PMPCB: variants seen among roughly 807,000 people sequenced by gnomAD.
The protein encoded by PMPCB is peptidase, mitochondrial processing subunit beta.
Under a neutral mutation model 61.5 loss-of-function variants are expected in PMPCB, and 46 were observed. The observed-to-expected ratio is 0.75, with a 90% confidence interval of 0.59 to 0.96. The LOEUF is 0.96. Among genes scored for constraint, PMPCB ranks in the 40% least tolerant of loss-of-function variants. The pLI, the probability that PMPCB is intolerant of heterozygous loss-of-function variation, is 0.00. For synonymous variants in PMPCB, 191 were observed against 201.6 expected, an observed-to-expected ratio of 0.95 and a Z score of 0.44; for missense variants, 590 against 602.4, an observed-to-expected ratio of 0.98 and a Z score of 0.22.
chr7:103,331,316 T>C (rs114331549), downstream of PMPCB, among the ~76,000 whole-genome samples: 1,145 of 152,340 alleles, frequency 7.5e-3, 20 homozygotes, highest in African/African-American at 0.027. Context: ...GTCAGGGTAT[T>C]TGGGTATCTA....
intron 4 of PMPCB, 141 bp from the exon 5 acceptor site, chr7:103,303,701 A>G (rs1817507023): frequency 5.0e-6 from 3 of 598,282 alleles, no homozygotes; most frequent in Non-Finnish European, 8.7e-6. Context: ...CCTGTTAAGT[A>G]TATCTGATGT....
Position 103,312,717 on chromosome 7 carries a change from A to G in PMPCB, c.*446A>G. 6.3e-7 allele frequency: 1 copy of G among 1,586,452 alleles called. No individual in the cohort carries two copies. Among genetic ancestry groups the G allele is most frequent in the African/African-American group, 1.4e-5 (1 of 73,568 alleles). On this transcript the variant is annotated 3_prime_UTR_variant, in exon 13 of 13. Coordinates refer to ENST00000249269, the MANE Select transcript of PMPCB (RefSeq NM_004279.3). ...ACATTTTAATCTAGTGTTTGGTGTAAAGAATTCAAGCAACTAAGATAGATA... is the reference window on the plus strand; with the variant it reads ...ACATTTTAATCTAGTGTTTGGTGTAGAGAATTCAAGCAACTAAGATAGATA...
chr7:103,344,697 T>G, the PMPCB span: 1 of 1,490,588 alleles, frequency 6.7e-7, no homozygotes, highest in Non-Finnish European at 9.2e-7. Context: ...CCCCTCCAGC[T>G]CTACCTCTCA....
At chr7:103,332,366 G>A (rs1819012432), downstream of PMPCB, among the ~76,000 whole-genome samples, 1 of 152,110 alleles carries the variant, frequency 6.6e-6, no homozygotes, top group East Asian at 1.9e-4. Context: ...AATAGGAATT[G>A]TTTGTAGGAT....
intron 1 of PMPCB, 161 bp downstream of exon 1, chr7:103,297,719 G>A (rs1817325877): frequency 6.5e-7 from 1 of 1,534,964 alleles, no homozygotes; most frequent in Non-Finnish European, 8.7e-7. Context: ...AACTGGCCGG[G>A]GGTGACTGGC....
At chr7:103,310,710 C>T (rs1817718293) in intron 9 of PMPCB, 1 of 187,992 alleles carries the variant, frequency 5.3e-6, no homozygotes, top group African/African-American at 2.7e-5. Flanking sequence ...TGAGGTCTTG[C>T]TCTGTTGCCC....
At chr7:103,307,482 C>A in intron 6 of PMPCB, 114 bp from the exon 7 acceptor site, 1 of 631,432 alleles carries the variant, frequency 1.6e-6, no homozygotes, top group Non-Finnish European at 2.8e-6. Flanking sequence ...TAAATAATGG[C>A]TTTTAGTGAG....
At chr7:103,337,055 G>A in the PMPCB span, 1 of 152,126 alleles carries the variant, frequency 6.6e-6, no homozygotes, top group African/African-American at 2.4e-5. Context: ...CTAGAGTGGA[G>A]GGCAGAACAT....
Position 103,300,235 on chromosome 7 carries a change from C to T in PMPCB, c.385C>T (p.His129Tyr), listed in dbSNP as rs376623124. 1.2e-6 allele frequency: 2 copies of T among 1,610,228 alleles called. No individual in the cohort carries two copies. The highest frequency in any genetic ancestry group is 1.7e-5 in the Admixed American group (1 of 59,972). ...ACTTGAGATTGAAAATATGGGTGCTCATCTCAATGCCTATACCTCCAGAGA... is the reference window on the plus strand; with the variant it reads ...ACTTGAGATTGAAAATATGGGTGCTTATCTCAATGCCTATACCTCCAGAGA... ...LELEIENMGAHLNAYTSREQT... is the reference protein window; with the variant it reads ...LELEIENMGAYLNAYTSREQT... The change falls in exon 4 of 13, where the codon CAT becomes TAT. Residue 129 changes from histidine (H) to tyrosine (Y), a missense_variant. Coordinates refer to ENST00000249269, the MANE Select transcript of PMPCB (RefSeq NM_004279.3).
intron 12 of PMPCB, chr7:103,321,805 G>A (rs1481660674): frequency 5.9e-6 from 6 of 1,017,274 alleles, no homozygotes; most frequent in East Asian, 5.4e-5. Flanking sequence ...CTGAGATCGC[G>A]CCACTGCACT....
In PMPCB at chr7:103,310,318, TTATC is replaced by T; in HGVS notation, c.1000_1003del (p.Ser334AlafsTer70). 6.2e-7 allele frequency: 1 copy of T among 1,609,432 alleles called. No individual in the cohort carries two copies. Among genetic ancestry groups the T allele is most frequent in the Non-Finnish European group, 8.5e-7 (1 of 1,178,434 alleles). ...TGGAATTTTTTTTTCCTTGCAGAAT[TTATC>T]TAGCAAGCTGGCCCAGCTCACTTGT... On this transcript the variant is annotated frameshift_variant, in exon 9 of 13. Coordinates refer to ENST00000249269, the MANE Select transcript of PMPCB (RefSeq NM_004279.3). LOFTEE classifies it high-confidence loss of function.
chr7:103,323,631 TAAGAA>T (rs1363964000), intron 12 of PMPCB: 1 of 1,460,538 alleles, frequency 6.8e-7, no homozygotes, highest in Non-Finnish European at 9.3e-7. Context: ...TTCATCTAAA[TAAGAA>T]AATTCTCTCC....
intron 5 of PMPCB, 102 bp from the exon 6 acceptor site, chr7:103,304,309 C>T: frequency 1.4e-6 from 1 of 740,600 alleles, no homozygotes; most frequent in South Asian, 1.6e-5. Flanking sequence ...TTTCTGACTG[C>T]ATTTTAGGAT....
chr7:103,327,951 G>A (rs1053513370), intron 12 of PMPCB, among the ~76,000 whole-genome samples: 2 of 152,040 alleles, frequency 1.3e-5, no homozygotes, highest in Non-Finnish European at 2.9e-5. Context: ...ACAGAGTTTT[G>A]CTCTTGTTGC....
downstream of PMPCB, chr7:103,317,132 T>TA: frequency 1.1e-6 from 1 of 911,812 alleles, no homozygotes; most frequent in Non-Finnish European, 1.6e-6. Context: ...TCTGACCCCA[T>TA]ACTCCTCTCA....
chr7:103,316,489 G>A (rs1389189850), downstream of PMPCB: 4 of 230,900 alleles, frequency 1.7e-5, no homozygotes, highest in Admixed American at 2.1e-4. Flanking sequence ...TCCAGCTTGA[G>A]GTGGGAAAAA....
At chr7:103,298,543 T>C (rs746244076) in intron 1 of PMPCB, 25 bp from the exon 2 acceptor site, 1 of 1,610,604 alleles carries the variant, frequency 6.2e-7, no homozygotes, top group Non-Finnish European at 8.5e-7. Context: ...TTGCTTTGTC[T>C]CTTCCACTTC....
At chr7:103,320,571 T>G (rs1818330982) in intron 12 of PMPCB, among the ~76,000 whole-genome samples, 6 of 150,844 alleles carry the variant, frequency 4.0e-5, no homozygotes. Flanking sequence ...CCATCCTGGC[T>G]AACACAGTGA....
chr7:103,304,202 C>T (rs188257218), intron 5 of PMPCB, among the ~76,000 whole-genome samples, 162 bp downstream of exon 5: 17 of 152,292 alleles, frequency 1.1e-4, no homozygotes, highest in Non-Finnish European at 1.8e-4. Flanking sequence ...CTCCCAAGCA[C>T]GTGAGTTCAT....
Sources: allele counts gnomAD v4.1 joint callset (sites outside exome capture counted in the v4.1 genomes callset), GRCh38; gene constraint gnomAD v4.1.1; transcripts MANE v1.5; gene names NCBI Gene and HGNC (gene_info 2026-07-23, HGNC 2026-07-21).